Variants in DUS2 observed in about 807,000 individuals in gnomAD.
DUS2 encodes the protein tRNA-dihydrouridine(20) synthase [NAD(P)+]-like.
In DUS2, 52 loss-of-function variants were observed where a neutral mutation model predicts 71.3. The observed-to-expected ratio is 0.73, with a 90% CI of 0.58 to 0.92. DUS2 has a LOEUF of 0.92. Among genes scored for constraint, DUS2 ranks in the 40% least tolerant of loss-of-function variants. DUS2 has a pLI of 0.00. For missense variants in DUS2, 558 were observed against 622.6 expected (o/e 0.90, Z 1.10); for synonymous variants, 204 against 227.8 (o/e 0.90, Z 0.94).
rs1297832611 is a variant in DUS2 at position 68,039,922 on chromosome 16, T to TGGAGGA, written c.126+1773_126+1774insGGAGGA. Among the ~76,000 whole-genome samples the TGGAGGA allele has an allele frequency of 2.6e-5, 4 of 151,916 alleles. No individual in the cohort carries two copies. In the East Asian group the frequency reaches 7.7e-4, roughly 29 times the overall value. On this transcript the variant is annotated intron_variant, in intron 3 of 16. Coordinates refer to ENST00000565263, the MANE Select transcript of DUS2 (RefSeq NM_017803.5). ...TTCAGTTAAGGGAGGTACAGGCAGG[T>TGGAGGA]AGCCTGAGGTGGAGGAAGCAGGGTG...
chr16:68,075,617 C>T, intron 14 of DUS2, 113 bp downstream of exon 14: 2 of 1,137,054 alleles, frequency 1.8e-6, no homozygotes, highest in African/African-American at 1.6e-5. Flanking sequence ...GACCACAGGT[C>T]TTGTTGGTTT....
Position 68,074,794 on chromosome 16 carries a change from A to G in DUS2, c.933-561A>G, listed in dbSNP as rs76457060. Among the ~76,000 whole-genome samples, 1,256 of 152,348 alleles carry G rather than the reference A, an allele frequency of 8.2e-3. 17 individuals are homozygous for G. The highest frequency in any genetic ancestry group is 0.028 in the African/African-American group (1,175 of 41,576). On this transcript the variant is annotated intron_variant, in intron 13 of 16. Transcript: ENST00000565263. ...GGATCTATCTTCGTTTGAGTCTTCC[A>G]GCCTTCAAGATGTTTCCTAGAAGGG...
Position 68,072,666 on chromosome 16 carries a change from A to C in DUS2, c.811-1368A>C, listed in dbSNP as rs1598319328. Among the ~76,000 whole-genome samples the C allele has an allele frequency of 2.7e-5, 4 of 149,704 alleles. No individual in the cohort carries two copies. In the South Asian group the frequency reaches 8.7e-4, roughly 32 times the overall value. On this transcript the variant is annotated intron_variant, in intron 12 of 16. Transcript: ENST00000565263. The stretch of plus-strand genomic sequence containing the variant: ...GCCGTGGCACTTTCCCAGCCACTGA[A>C]GTCATAGGCCCACGTGGAGTTACTA...
intron 3 of DUS2, among the ~76,000 whole-genome samples, chr16:68,042,699 A>T (rs556803542): frequency 2.7e-4 from 41 of 150,042 alleles, no homozygotes; most frequent in Admixed American, 1.3e-3. Flanking sequence ...ATTTATTTTT[A>T]TTTTTATTTT....
At chr16:68,036,182 A>G (rs2033523681) in intron 2 of DUS2, among the ~76,000 whole-genome samples, 1 of 146,408 alleles carries the variant, frequency 6.8e-6, no homozygotes, top group Admixed American at 6.8e-5. Flanking sequence ...TTTTTTCGAG[A>G]CAGAGTCTTG....
intron 10 of DUS2, 149 bp downstream of exon 10, chr16:68,066,785 C>A: frequency 1.3e-6 from 1 of 781,062 alleles, no homozygotes; most frequent in Non-Finnish European, 2.1e-6. Context: ...TCTTATGAGT[C>A]TGGAGGGCAG....
chr16:68,078,910 C>T lies in DUS2; in HGVS notation c.1406C>T (p.Ala469Val). ...GGGGGCCCCAGAGCTCAGGAGCTAG[C>T]ACAACCTGGGGATCTGTGCAAGAAG... ...DPGGPRAQEL[A>V]QPGDLCKKPF... The change falls in exon 17 of 17, where the codon GCA becomes GTA. Residue 469 changes from alanine to valine, a missense_variant. By Grantham distance (64) the Ala-to-Val change is moderately conservative. Coordinates refer to ENST00000565263, the MANE Select transcript of DUS2 (RefSeq NM_017803.5). 6.2e-7 allele frequency: 1 copy of T among 1,612,378 alleles called. No homozygotes were observed. Among genetic ancestry groups the T allele is most frequent in the Admixed American group, 1.7e-5 (1 of 59,870 alleles).
chr16:68,070,251 T>A (rs1281621349), intron 11 of DUS2, 31 bp downstream of exon 11: 3 of 1,602,760 alleles, frequency 1.9e-6, no homozygotes, highest in Admixed American at 3.3e-5. Context: ...ATGTACTCTG[T>A]GTCCCACAGA....
intron 2 of DUS2, among the ~76,000 whole-genome samples, chr16:68,026,707 T>A (rs2033356046): frequency 6.6e-6 from 1 of 151,942 alleles, no homozygotes; most frequent in Non-Finnish European, 1.5e-5. Context: ...TGAAACCCTT[T>A]CTTTACAAAA....
At chr16:68,069,595 G>GTGGTGTGGCAGCCA (rs1286034090) in intron 10 of DUS2, among the ~76,000 whole-genome samples, 4 of 152,176 alleles carry the variant, frequency 2.6e-5, no homozygotes, top group Admixed American at 6.5e-5. Context: ...CCCTTGTGCC[G>GTGGTGTGGCAGCCA]TGGTGTGGCA....
At chr16:68,053,719 T>C in intron 5 of DUS2, 64 bp downstream of exon 5, 1 of 1,558,224 alleles carries the variant, frequency 6.4e-7, no homozygotes, top group Non-Finnish European at 8.9e-7. Context: ...TCCCAACTCA[T>C]GCCCTGTGCC....
chr16:68,027,007 C>G (rs1307493532), intron 2 of DUS2: 1 of 151,788 alleles, frequency 6.6e-6, no homozygotes. Flanking sequence ...TCTTCTGTTG[C>G]TTTCTTATGT....
At chr16:68,026,611 G>T (rs1449252810) in intron 2 of DUS2, among the ~76,000 whole-genome samples, 2 of 151,954 alleles carry the variant, frequency 1.3e-5, no homozygotes, top group Non-Finnish European at 2.9e-5. Context: ...TGGTGTGGTG[G>T]CTCACGCCTG....
intron 13 of DUS2, 31 bp downstream of exon 13, chr16:68,074,186 C>T (rs774154682): frequency 6.8e-6 from 11 of 1,612,972 alleles, no homozygotes; most frequent in South Asian, 3.3e-5. Flanking sequence ...TCCATCTGTC[C>T]TTGTACGCAT....
At position 68,074,173 on chromosome 16, in the gene DUS2, A is replaced by T; in HGVS notation, c.932+18A>T. On this transcript the variant is annotated intron_variant, in intron 13 of 16. Coordinates refer to ENST00000565263, the MANE Select transcript of DUS2 (RefSeq NM_017803.5). ...GAAATTTGGTAAGAGGCACAATAAG[A>T]TGTCCATCTGTCCTTGTACGCATTG... is the stretch of plus-strand genomic sequence containing the variant. 1 of 1,613,812 alleles carries T rather than the reference A, an allele frequency of 6.2e-7. No individual in the cohort carries two copies. The highest frequency in any genetic ancestry group is 8.5e-7 in the Non-Finnish European group (1 of 1,179,784).
chr16:68,063,257 C>T (rs2033964234), intron 8 of DUS2, among the ~76,000 whole-genome samples: 1 of 152,190 alleles, frequency 6.6e-6, no homozygotes, highest in African/African-American at 2.4e-5. Context: ...ACAACAAAGC[C>T]AGATGTGGCT....
intron 2 of DUS2, chr16:68,027,226 C>G (rs977866698): frequency 1.3e-5 from 2 of 152,172 alleles, no homozygotes; most frequent in Non-Finnish European, 2.9e-5. Context: ...TGCACTTGGT[C>G]CATTAACTTC....
chr16:68,042,853 C>T (rs945753361), intron 3 of DUS2, among the ~76,000 whole-genome samples: 1 of 152,026 alleles, frequency 6.6e-6, no homozygotes, highest in Non-Finnish European at 1.5e-5. Flanking sequence ...GGATTACAGG[C>T]ATGCACCACT....
intron 8 of DUS2, among the ~76,000 whole-genome samples, chr16:68,064,644 C>G (rs1041989066): frequency 5.9e-5 from 9 of 152,142 alleles, no homozygotes; most frequent in Non-Finnish European, 1.0e-4. Context: ...TCAGTCCCGC[C>G]CTTAAAATGT....
Sources: gnomAD v4.1 joint callset for allele counts (sites outside exome capture counted in the v4.1 genomes callset) on GRCh38, gnomAD v4.1.1 for gene constraint, MANE v1.5 for transcripts, NCBI Gene and HGNC (gene_info 2026-07-23, HGNC 2026-07-21) for gene names.